Variants in PAX6 observed in about 807,000 individuals in gnomAD.
The protein encoded by PAX6 is paired box 6.
Under a neutral mutation model 60.7 loss-of-function variants are expected in PAX6, and 7 were observed. The ratio of observed to expected loss-of-function variants is 0.12; its 90% confidence interval spans 0.07 to 0.22. The LOEUF (loss-of-function observed/expected upper bound fraction) is 0.22, where lower values mean the gene tolerates loss of function less well. Among genes scored for constraint, PAX6 ranks in the 10% least tolerant of loss-of-function variants. PAX6 has a pLI of 1.00. For synonymous variants in PAX6, 208 were observed against 201.2 expected, an observed-to-expected ratio of 1.03 and a Z score of -0.29; for missense variants, 355 against 555.2, an observed-to-expected ratio of 0.64 and a Z score of 3.62.
intron 12 of PAX6, chr11:31,792,680 T>C (rs1013580166): frequency 6.3e-6 from 1 of 157,858 alleles, no homozygotes; most frequent in Non-Finnish European, 1.4e-5. Context: ...CTTATCCAAC[T>C]TACATCATAA....
At chr11:31,793,948 T>C (rs1950682225) in intron 10 of PAX6, 84 bp downstream of exon 10, 1 of 1,242,968 alleles carries the variant, frequency 8.0e-7, no homozygotes, top group Non-Finnish European at 1.2e-6. Context: ...TATAAATAAA[T>C]AGTACTCTGT....
In PAX6 at chr11:31,793,820, C is replaced by T. The variant is rs1016467967; in HGVS notation, c.808-18G>A. On this transcript the variant is annotated intron_variant, in intron 10 of 13. Transcript: ENST00000640368. The stretch of plus-strand genomic sequence containing the variant: ...AACCATACCTGGAAATCAGGTGGGA[C>T]AGGTTAGCACTGTGTCTACGTCGAG... 3.7e-6 allele frequency: 6 copies of T among 1,614,032 alleles called. No individual in the cohort carries two copies. The African/African-American group carries it at 8.0e-5, about 22-fold the overall frequency.
At chr11:31,801,536 G>A (rs375911016) in intron 7 of PAX6, 25 bp downstream of exon 7, 19 of 1,613,874 alleles carry the variant, frequency 1.2e-5, no homozygotes, top group Non-Finnish European at 1.5e-5. Flanking sequence ...AGGGCAGGGA[G>A]GGCAGATGTT....
chr11:31,794,810 G>A (rs377440216), intron 8 of PAX6, 22 bp from the exon 9 acceptor site: 296 of 1,613,542 alleles, frequency 1.8e-4, no homozygotes, highest in Non-Finnish European at 2.4e-4. Flanking sequence ...AGAATAGGAT[G>A]GTAAGAGAAA....
intron 8 of PAX6, among the ~76,000 whole-genome samples, chr11:31,795,589 T>G (rs1463800606): frequency 2.0e-5 from 3 of 152,278 alleles, no homozygotes. Flanking sequence ...GTTCACTAAC[T>G]AGCTAAATAT....
upstream of PAX6, chr11:31,813,082 T>TC (rs1957198211): frequency 6.6e-6 from 1 of 151,374 alleles, no homozygotes; most frequent in African/African-American, 2.4e-5. Context: ...CCCTCTCCCC[T>TC]CCCCGGGCTG....
intron 8 of PAX6, among the ~76,000 whole-genome samples, chr11:31,795,052 G>A (rs1293097757): frequency 1.3e-5 from 2 of 152,150 alleles, no homozygotes; most frequent in East Asian, 1.9e-4. Context: ...AAGCACTGAA[G>A]TTTCCAATTA....
At chr11:31,812,302 C>CTCTGTGTGTG (rs748835787), upstream of PAX6, 36 of 86,224 alleles carry the variant, frequency 4.2e-4, no homozygotes, top group East Asian at 1.9e-3. Context: ...CTCTCTCTCT[C>CTCTGTGTGTG]TGTGTGTGTG....
At chr11:31,808,486 G>A (rs1397599937) in intron 2 of PAX6, 2 of 152,230 alleles carry the variant, frequency 1.3e-5, no homozygotes, top group African/African-American at 4.8e-5. Flanking sequence ...CCCAACAAAT[G>A]CAGGACCCTG....
chr11:31,799,936 T>G, intron 8 of PAX6, among the ~76,000 whole-genome samples: 1 of 143,238 alleles, frequency 7.0e-6, no homozygotes, highest in East Asian at 2.4e-4. Flanking sequence ...GGGAGCCAAC[T>G]GACCCTCCCC....
At chr11:31,794,001 CA>C in intron 10 of PAX6, 30 bp downstream of exon 10, 1 of 1,463,858 alleles carries the variant, frequency 6.8e-7, no homozygotes, top group East Asian at 2.3e-5. Flanking sequence ...GTATGAATCA[CA>C]AAGTGTGAAA....
chr11:31,798,945 G>T (rs1034197649), intron 8 of PAX6, among the ~76,000 whole-genome samples: 2 of 152,220 alleles, frequency 1.3e-5, no homozygotes, highest in East Asian at 3.9e-4. Context: ...ACGCACCGGG[G>T]AGAGCCCGGA....
chr11:31,808,954 G>C (rs1956468012), intron 2 of PAX6, among the ~76,000 whole-genome samples: 1 of 152,262 alleles, frequency 6.6e-6, no homozygotes, highest in East Asian at 1.9e-4. Context: ...CTGAACGAAG[G>C]AGTCTCCAGA....
intron 4 of PAX6, chr11:31,805,320 G>C (rs1372606555): frequency 2.6e-5 from 4 of 152,298 alleles, no homozygotes; most frequent in Non-Finnish European, 5.9e-5. Context: ...CCTGGGGTCC[G>C]GCAGGTTCTG....
rs767071687 is a variant in PAX6 at position 31,793,659 on chromosome 11, G to A, written c.951C>T (p.Thr317=). ...TSVYQPIPQP[T]TPVSSFTSGS... ...ATTAGTATTTCAAATTACCCGGTGT[G>A]GTGGGTTGTGGAATTGGTTGGTAGA... Residue 317 remains threonine, a synonymous_variant, in exon 11 of 14, where the codon ACC becomes ACT. Coordinates refer to ENST00000640368, the MANE Select transcript of PAX6 (RefSeq NM_001368894.2). The A allele has an allele frequency of 6.2e-7, 1 of 1,614,214 alleles. No homozygotes were observed. The highest frequency in any genetic ancestry group is 8.5e-7 in the Non-Finnish European group (1 of 1,180,024).
Position 31,806,436 on chromosome 11 carries a change from G to C in PAX6, c.-25C>G. On this transcript the variant is annotated 5_prime_UTR_variant, in exon 4 of 14. It adds an upstream start codon to the 5' untranslated region. Transcript: ENST00000640368. ...TGCTGGCTCTGGCTGGGGGCCGCGG[G>C]ATTCCACGGGGCTCGAATATGGGGC... 2 of 1,607,844 alleles carry C rather than the reference G, an allele frequency of 1.2e-6. No homozygotes were observed. Among genetic ancestry groups the C allele is most frequent in the Non-Finnish European group, 1.7e-6 (2 of 1,177,358 alleles).
chr11:31,790,293 G>T (rs752746233), intron 13 of PAX6: 4 of 592,192 alleles, frequency 6.8e-6, no homozygotes, highest in African/African-American at 1.9e-5. Flanking sequence ...TTGCATGTTT[G>T]GAACTTTTAC....
At chr11:31,798,091 A>G (rs1952240520) in intron 8 of PAX6, among the ~76,000 whole-genome samples, 1 of 152,076 alleles carries the variant, frequency 6.6e-6, no homozygotes, top group South Asian at 2.1e-4. Context: ...GCAAGAAAAG[A>G]TAGCAACCCG....
upstream of PAX6, among the ~76,000 whole-genome samples, chr11:31,813,768 C>G (rs1828200705): frequency 6.6e-6 from 1 of 152,060 alleles, no homozygotes; most frequent in African/African-American, 2.4e-5. Flanking sequence ...GAGTTCAACC[C>G]CAGAATGAGG....
Sources: allele counts gnomAD v4.1 joint callset (sites outside exome capture counted in the v4.1 genomes callset), GRCh38; gene constraint gnomAD v4.1.1; transcripts MANE v1.5; gene names NCBI Gene and HGNC (gene_info 2026-07-23, HGNC 2026-07-21).